RABGAP1L: variants seen among roughly 807,000 people sequenced by gnomAD.
The protein encoded by RABGAP1L is rab GTPase-activating protein 1-like.
A neutral mutation model predicts 137.7 loss-of-function variants in RABGAP1L; 63 were observed. The ratio of observed to expected loss-of-function variants is 0.46; its 90% CI spans 0.37 to 0.56. The LOEUF (loss-of-function observed/expected upper bound fraction) is 0.56. Among genes scored for constraint, RABGAP1L ranks in the 20% least tolerant of loss-of-function variants. RABGAP1L has a pLI of 0.00. For missense variants in RABGAP1L, 1,095 were observed against 1,244.0 expected (o/e 0.88, Z 1.80); for synonymous variants, 431 against 433.7 (o/e 0.99, Z 0.08).
chr1:174,882,354 A>G (rs547999211), intron 19 of RABGAP1L, among the ~76,000 whole-genome samples: 55 of 152,282 alleles, frequency 3.6e-4, no homozygotes, highest in African/African-American at 1.3e-3. Flanking sequence ...AGGTGTGGAT[A>G]CTGCATTTTT....
Position 174,241,588 on chromosome 1 carries a change from A to G in RABGAP1L, c.648A>G (p.Ala216=). ...HDGTTESNCF[A]FTESSHGSEE... is the part of the protein sequence containing the mutation. ...GAACAACAGAGAGCAATTGCTTTGC[A>G]TTTACAGAGAGTTCCCATGGTTCGG... Residue 216 remains alanine (A), a synonymous_variant, in exon 5 of 26, where the codon GCA becomes GCG. Transcript: ENST00000681986. 1.2e-6 allele frequency: 2 copies of G among 1,614,040 alleles called. No homozygotes were observed. Among genetic ancestry groups the G allele is most frequent in the Non-Finnish European group, 1.7e-6 (2 of 1,179,942 alleles).
intron 13 of RABGAP1L, among the ~76,000 whole-genome samples, chr1:174,474,791 CAG>C (rs1275123539): frequency 6.6e-6 from 1 of 151,930 alleles, no homozygotes; most frequent in Non-Finnish European, 1.5e-5. Flanking sequence ...TTAGTAGAGA[CAG>C]GGTTTTACCA....
rs796504266 is a variant in RABGAP1L at position 174,403,282 on chromosome 1, CT to C, written c.1710+9149del. Among the ~76,000 whole-genome samples the C allele has an allele frequency of 2.0e-3, 258 of 130,620 alleles. 1 individual carries two copies. Among genetic ancestry groups the C allele is most frequent in the Non-Finnish European group, 2.5e-3 (151 of 60,128 alleles). 85.7% of individuals were successfully genotyped at this position (130,620 alleles called of 152,430 possible). ...GTGTATACCATTTCTTTTCTTCTCT[CT>C]TTTTTTTTTTTAAGAGACAGGGTCT... On this transcript the variant is annotated intron_variant, in intron 13 of 25. Transcript: ENST00000681986.
At chr1:174,649,090 G>T (rs553209729) in intron 14 of RABGAP1L, among the ~76,000 whole-genome samples, 1 of 152,162 alleles carries the variant, frequency 6.6e-6, no homozygotes, top group South Asian at 2.1e-4. Context: ...GAGCCTGTCT[G>T]TGTCTTTGCA....
chr1:174,441,662 A>G (rs1409268825), intron 13 of RABGAP1L, among the ~76,000 whole-genome samples: 2 of 152,126 alleles, frequency 1.3e-5, no homozygotes, highest in Non-Finnish European at 2.9e-5. Context: ...TGAACCTGGG[A>G]GGTGAAGGTT....
intron 10 of RABGAP1L, among the ~76,000 whole-genome samples, chr1:174,279,599 G>A (rs868407469): frequency 1.3e-5 from 2 of 151,954 alleles, no homozygotes; most frequent in African/African-American, 2.4e-5. Context: ...CTGCCATGGC[G>A]CATCTCGGCT....
chr1:174,612,656 G>T (rs894246864), intron 13 of RABGAP1L, among the ~76,000 whole-genome samples: 1 of 152,126 alleles, frequency 6.6e-6, no homozygotes, highest in Non-Finnish European at 1.5e-5. Flanking sequence ...TGTACCTCTG[G>T]TAGAATTCGG....
intron 19 of RABGAP1L, among the ~76,000 whole-genome samples, chr1:174,859,861 T>C (rs1649976832): frequency 6.6e-6 from 1 of 151,578 alleles, no homozygotes; most frequent in African/African-American, 2.4e-5. Flanking sequence ...AAAAAAAAAT[T>C]AGAAATAACA....
At chr1:174,737,019 A>T (rs1224933463) in intron 17 of RABGAP1L, among the ~76,000 whole-genome samples, 1 of 152,164 alleles carries the variant, frequency 6.6e-6, no homozygotes, top group African/African-American at 2.4e-5. Context: ...CCTTTTGCCC[A>T]TTGTCGTGGA....
intron 13 of RABGAP1L, among the ~76,000 whole-genome samples, chr1:174,512,197 CA>C (rs1279623229): frequency 6.6e-6 from 1 of 152,102 alleles, no homozygotes; most frequent in African/African-American, 2.4e-5. Context: ...ATGCACAACA[CA>C]AGGGTACTTA....
At chr1:174,267,602 A>C (rs1287042550) in intron 7 of RABGAP1L, among the ~76,000 whole-genome samples, 1 of 152,222 alleles carries the variant, frequency 6.6e-6, no homozygotes, top group Non-Finnish European at 1.5e-5. Context: ...AGTTAATCCA[A>C]ACTTAGAAAG....
intron 13 of RABGAP1L, chr1:174,545,413 A>C (rs2147956321): frequency 6.6e-6 from 1 of 152,436 alleles, no homozygotes; most frequent in South Asian, 2.1e-4. Context: ...CAGGTGCGGG[A>C]TATAATCTCC....
At chr1:174,600,247 C>T (rs72715253) in intron 13 of RABGAP1L, among the ~76,000 whole-genome samples, 31,902 of 152,100 alleles carry the variant, frequency 0.21, 3,691 homozygotes, top group Admixed American at 0.25. Context: ...CCCACAATAA[C>T]GTGGGAATTC....
intron 11 of RABGAP1L, among the ~76,000 whole-genome samples, chr1:174,309,143 A>C (rs1678577660): frequency 6.6e-6 from 1 of 151,914 alleles, no homozygotes; most frequent in Non-Finnish European, 1.5e-5. Flanking sequence ...ATGGGATTTA[A>C]ATGGGGTTTA....
At chr1:174,920,715 G>A (rs1661653246) in intron 19 of RABGAP1L, among the ~76,000 whole-genome samples, 1 of 152,184 alleles carries the variant, frequency 6.6e-6, no homozygotes, top group Non-Finnish European at 1.5e-5. Context: ...TATGATTAGT[G>A]TCCTTGTAAG....
intron 15 of RABGAP1L, among the ~76,000 whole-genome samples, chr1:174,685,089 G>T (rs1678358376): frequency 1.3e-5 from 2 of 152,268 alleles, no homozygotes; most frequent in South Asian, 4.1e-4. Context: ...AAAATTGTTA[G>T]GTTTTGTGGA....
Position 174,422,393 on chromosome 1 carries a change from C to T in RABGAP1L, c.1710+28248C>T, listed in dbSNP as rs560561998. Among the ~76,000 whole-genome samples the T allele has an allele frequency of 7.5e-4, 113 of 151,492 alleles. No individual in the cohort carries two copies. In the South Asian group the frequency reaches 7.8e-3, roughly 10 times the overall value. ...TTAAGTAGATTTTTTTTTAAACATT[C>T]GACCAACTTCCAAAAACAGTTTTTA... On this transcript the variant is annotated intron_variant, in intron 13 of 25. Transcript: ENST00000681986.
intron 18 of RABGAP1L, among the ~76,000 whole-genome samples, chr1:174,805,868 C>T (rs539186906): frequency 1.3e-5 from 2 of 152,316 alleles, no homozygotes; most frequent in South Asian, 4.1e-4. Flanking sequence ...AAACATGCCT[C>T]TGCTTATTGA....
rs77833943 is a variant in RABGAP1L, at chr1:174,739,456, A to C, written c.2170-12857A>C. Among the ~76,000 whole-genome samples, 7 of 152,334 alleles carry C rather than the reference A, an allele frequency of 4.6e-5. No individual in the cohort carries two copies. The East Asian group carries it at 1.3e-3, about 29-fold the overall frequency. The stretch of plus-strand genomic sequence containing the variant: ...TGCAAATAGGAAAACTATGCTCTTA[A>C]ATTATCATGATTGCTTGAAAACTTG... On this transcript the variant is annotated intron_variant, in intron 17 of 25. Transcript: ENST00000681986.
Sources: allele counts gnomAD v4.1 joint callset (sites outside exome capture counted in the v4.1 genomes callset), GRCh38; gene constraint gnomAD v4.1.1; transcripts MANE v1.5; gene names NCBI Gene and HGNC (gene_info 2026-07-23, HGNC 2026-07-21).